Variants in TFAP2A observed in about 807,000 individuals in gnomAD.
TFAP2A encodes transcription factor AP-2-alpha.
Under a neutral mutation model 41.5 loss-of-function variants are expected in TFAP2A, and 7 were observed. That is an observed-to-expected ratio of 0.17 (90% CI 0.10 to 0.32). The LOEUF is 0.32. TFAP2A is among the 10% of genes least tolerant of loss of function. TFAP2A has a pLI of 1.00. For synonymous variants in TFAP2A, 247 were observed against 242.8 expected (o/e 1.02, Z -0.16); for missense variants, 416 against 563.3 (o/e 0.74, Z 2.65).
chr6:10,419,295 C>A, upstream of TFAP2A: 3 of 1,161,516 alleles, frequency 2.6e-6, no homozygotes, highest in South Asian at 1.3e-5. Context: ...CGCTGCCAGG[C>A]GCGCCTCACC....
upstream of TFAP2A, chr6:10,419,468 G>A: frequency 6.2e-7 from 1 of 1,614,140 alleles, no homozygotes; most frequent in South Asian, 1.1e-5. Flanking sequence ...CTGCGCTCCT[G>A]GCGACTGGTC....
chr6:10,397,409 C>CT lies in TFAP2A; in HGVS notation c.*1007dup, dbSNP rs1761807694. On this transcript the variant is annotated 3_prime_UTR_variant, in exon 7 of 7. Transcript: ENST00000379613. ...AAAATCTTTCCAGGGTCCAATATCA[C>CT]TTTTTTTCTTTCGGTTCAATGAAAA... 6.6e-6 allele frequency: 1 copy of CT among 152,046 alleles called. No individual in the cohort carries two copies. Among genetic ancestry groups the CT allele is most frequent in the Non-Finnish European group, 1.5e-5 (1 of 67,992 alleles). The allele number at this position is 152,046 out of a possible 1,614,324, so 9.4% of individuals were successfully genotyped here.
intron 5 of TFAP2A, chr6:10,400,903 C>A: frequency 1.8e-6 from 1 of 541,262 alleles, no homozygotes; most frequent in Non-Finnish European, 3.5e-6. Context: ...TTCTTGTATT[C>A]CAACTTCACA....
chr6:10,409,784 T>C (rs1757870873), intron 2 of TFAP2A, 117 bp downstream of exon 2: 8 of 1,283,230 alleles, frequency 6.2e-6, no homozygotes, highest in African/African-American at 1.5e-5. Context: ...TAAAATGTTT[T>C]TATAAGGAAA....
At chr6:10,417,298 C>G (rs1758281401), upstream of TFAP2A, 5 of 152,352 alleles carry the variant, frequency 3.3e-5, no homozygotes, top group South Asian at 1.0e-3. Context: ...AACAGATCTC[C>G]GGCTCCGCAC....
At chr6:10,403,469 T>C (rs3798695) in intron 4 of TFAP2A, among the ~76,000 whole-genome samples, 15,793 of 152,260 alleles carry the variant, frequency 0.1, 917 homozygotes, top group Middle Eastern at 0.22. Flanking sequence ...ACTAGAATGG[T>C]TGATGTTAAA....
At chr6:10,412,721 C>A in intron 1 of TFAP2A, 1 of 311,968 alleles carries the variant, frequency 3.2e-6, no homozygotes, top group Non-Finnish European at 6.5e-6. Flanking sequence ...CGGGCTCCGC[C>A]GCTTCGCAGC....
chr6:10,412,385 A>G (rs1420135402), intron 1 of TFAP2A: 11 of 756,096 alleles, frequency 1.5e-5, no homozygotes, highest in African/African-American at 1.9e-5. Context: ...TGTGAGAAAG[A>G]AAGTGTGGGC....
chr6:10,414,929 C>T lies in TFAP2A; in HGVS notation c.51+12G>A, dbSNP rs756392096. On this transcript the variant is annotated intron_variant, in intron 1 of 6. Coordinates refer to ENST00000379613, the MANE Select transcript of TFAP2A (RefSeq NM_001372066.1). ...GTGACCGCACGGATGATCGAGCCGGCGTCGCGCTTACCTCGCAGTCCTCGT... is the reference window on the plus strand; with the variant it reads ...GTGACCGCACGGATGATCGAGCCGGTGTCGCGCTTACCTCGCAGTCCTCGT... 4 of 1,613,686 alleles carry T rather than the reference C, an allele frequency of 2.5e-6. No homozygotes were observed. The South Asian group carries it at 3.3e-5, about 13-fold the overall frequency.
Position 10,397,817 on chromosome 6 carries a change from G to A in TFAP2A, c.*600C>T. The A allele has an allele frequency of 1.0e-6, 1 of 985,018 alleles. No homozygotes were observed. Among genetic ancestry groups the A allele is most frequent in the Non-Finnish European group, 1.2e-6 (1 of 829,258 alleles). The allele number at this position is 985,018 out of a possible 1,614,324, so 61.0% of individuals were successfully genotyped here. A position where few individuals can be genotyped will look rare whatever the true frequency, so the allele number is the denominator to read the frequency against. On this transcript the variant is annotated 3_prime_UTR_variant, in exon 7 of 7. Coordinates refer to ENST00000379613, the MANE Select transcript of TFAP2A (RefSeq NM_001372066.1). ...AAGTTGGTCGCTTTACCTTAAAGAG[G>A]AAAAACTTCTACAACTGAAGACATG...
rs755073425 is a variant in TFAP2A at position 10,414,625 on chromosome 6, C to T, written c.51+316G>A. On this transcript the variant is annotated intron_variant, in intron 1 of 6. Coordinates refer to ENST00000379613, the MANE Select transcript of TFAP2A (RefSeq NM_001372066.1). ...AACACGAGGAGTGCACAGGCAAGTG[C>T]CCAGTTGCCAGCAATTGCTTCAAAA... 554 of 536,400 alleles carry T rather than the reference C, an allele frequency of 1.0e-3. 3 individuals are homozygous for T. Among genetic ancestry groups the T allele is most frequent in the Middle Eastern group, 3.1e-3 (6 of 1,950 alleles). 33.2% of individuals were successfully genotyped at this position (536,400 alleles called of 1,614,324 possible). A position where few individuals can be genotyped will look rare whatever the true frequency, so the allele number is the denominator to read the frequency against.
chr6:10,416,378 G>C (rs1758240568), upstream of TFAP2A: 1 of 151,714 alleles, frequency 6.6e-6, no homozygotes, highest in African/African-American at 2.4e-5. Flanking sequence ...GGGCCTGCTG[G>C]GTCCTCTGGG....
Position 10,404,582 on chromosome 6 carries a change from C to T in TFAP2A, c.696G>A (p.Thr232=), listed in dbSNP as rs1163314557. ...AGAGCCGCCGCTGCACTTCCGCCAC[C>T]GTGACCTTGTACTTCGAGGTGGAGC... ...LLSSTSKYKV[T]VAEVQRRLSP... Residue 232 remains threonine, a synonymous_variant, in exon 4 of 7, where the codon ACG becomes ACA. Transcript: ENST00000379613. 3 of 1,614,150 alleles carry T rather than the reference C, an allele frequency of 1.9e-6. No individual in the cohort carries two copies. Among genetic ancestry groups the T allele is most frequent in the East Asian group, 2.2e-5 (1 of 44,876 alleles).
At chr6:10,409,196 C>T (rs9366413) in intron 2 of TFAP2A, 6 of 152,158 alleles carry the variant, frequency 3.9e-5, no homozygotes, top group African/African-American at 1.2e-4. Flanking sequence ...TTATTGATAA[C>T]TAAATTAGAA....
chr6:10,402,141 G>C (rs1199912540), intron 5 of TFAP2A: 1 of 374,628 alleles, frequency 2.7e-6, no homozygotes, highest in African/African-American at 2.1e-5. Context: ...TAATGGTCAC[G>C]CATTTCTCAA....
chr6:10,404,479 G>A, intron 4 of TFAP2A, 29 bp downstream of exon 4: 1 of 1,461,022 alleles, frequency 6.8e-7, no homozygotes, highest in Non-Finnish European at 9.1e-7. Context: ...GCCGCGGGGC[G>A]GGGCGGGCGG....
chr6:10,400,506 G>A lies in TFAP2A; in HGVS notation c.973C>T (p.Arg325Ter), dbSNP rs1761968190. ...TGCTCATTGGGATCGGAATGTTGTC[G>A]GTTGAGAAATTCAGCTACTGCTTTG... Reference protein sequence around the residue: ...PAKAVAEFLNRQHSDPNEQVT... With the variant: ...PAKAVAEFLN Residue 325 changes from arginine (R) to a stop codon, truncating the protein, a stop_gained, in exon 6 of 7, where the codon CGA becomes TGA. Coordinates refer to ENST00000379613, the MANE Select transcript of TFAP2A (RefSeq NM_001372066.1). LOFTEE classifies it high-confidence loss of function. The A allele has an allele frequency of 6.2e-7, 1 of 1,614,000 alleles. No individual in the cohort carries two copies. Among genetic ancestry groups the A allele is most frequent in the Non-Finnish European group, 8.5e-7 (1 of 1,180,042 alleles).
intron 6 of TFAP2A, 32 bp downstream of exon 6, chr6:10,400,416 A>C (rs1161351695): frequency 1.2e-6 from 2 of 1,614,082 alleles, no homozygotes; most frequent in Non-Finnish European, 8.5e-7. Flanking sequence ...TGACAACGAG[A>C]CACAGAGACC....
chr6:10,419,502 C>T, upstream of TFAP2A: 1 of 1,612,454 alleles, frequency 6.2e-7, no homozygotes, highest in Middle Eastern at 1.7e-4. Flanking sequence ...GGCTGGAGGG[C>T]TCGGTCGGGC....
Sources: gnomAD v4.1 joint callset for allele counts (sites outside exome capture counted in the v4.1 genomes callset) on GRCh38, gnomAD v4.1.1 for gene constraint, MANE v1.5 for transcripts, NCBI Gene and HGNC (gene_info 2026-07-23, HGNC 2026-07-21) for gene names.